The following ERC2 variants were observed in gnomAD, a reference collection of about 807,000 sequenced individuals.
ERC2 encodes the protein ELKS/RAB6-interacting/CAST family member 2.
A neutral mutation model predicts 114.8 loss-of-function variants in ERC2; 42 were observed. The ratio of observed to expected loss-of-function variants is 0.37; its 90% CI spans 0.29 to 0.47. The LOEUF is 0.47. Among genes scored for constraint, ERC2 ranks in the 20% least tolerant of loss-of-function variants. ERC2 has a pLI of 0.99. For missense variants in ERC2, 939 were observed against 1,150.7 expected (o/e 0.82, Z 2.66); for synonymous variants, 454 against 425.5 (o/e 1.07, Z -0.82).
chr3:55,527,208 G>A (rs2053381655), intron 17 of ERC2, among the ~76,000 whole-genome samples: 1 of 152,200 alleles, frequency 6.6e-6, no homozygotes, highest in African/African-American at 2.4e-5. Context: ...ACAAGAAACT[G>A]CACTTTTCTG....
At chr3:56,064,304 C>A (rs2076372505) in intron 7 of ERC2, among the ~76,000 whole-genome samples, 1 of 152,202 alleles carries the variant, frequency 6.6e-6, no homozygotes, top group African/African-American at 2.4e-5. Flanking sequence ...TCCCACCTGG[C>A]CACCCTTGTC....
chr3:55,683,919 A>G, intron 16 of ERC2, 60 bp from the exon 17 acceptor site: 1 of 1,584,298 alleles, frequency 6.3e-7, no homozygotes, highest in Non-Finnish European at 8.6e-7. Context: ...GAATGAAAGA[A>G]GAGAAGGTTA....
chr3:55,675,802 T>C (rs1004228507), intron 17 of ERC2, among the ~76,000 whole-genome samples: 2 of 151,762 alleles, frequency 1.3e-5, no homozygotes, highest in Non-Finnish European at 1.5e-5. Context: ...CATTTTCAAA[T>C]GTTATTAATA....
chr3:55,899,524 T>C (rs566411069), intron 13 of ERC2, among the ~76,000 whole-genome samples: 1 of 151,644 alleles, frequency 6.6e-6, no homozygotes, highest in Non-Finnish European at 1.5e-5. Flanking sequence ...AGAGAGAGAG[T>C]GTGTGTGTGA....
intron 2 of ERC2, among the ~76,000 whole-genome samples, chr3:56,376,466 A>G (rs900526004): frequency 6.6e-6 from 1 of 152,020 alleles, no homozygotes; most frequent in Non-Finnish European, 1.5e-5. Context: ...TCCCAAAAAA[A>G]AAAAAAGAGG....
At chr3:56,137,300 T>G (rs1012176465) in intron 6 of ERC2, among the ~76,000 whole-genome samples, 6 of 152,170 alleles carry the variant, frequency 3.9e-5, no homozygotes, top group African/African-American at 1.2e-4. Context: ...TACACTAACT[T>G]TATCGGTAAT....
At chr3:55,899,005 G>C (rs1203588705) in intron 13 of ERC2, among the ~76,000 whole-genome samples, 1 of 152,190 alleles carries the variant, frequency 6.6e-6, no homozygotes, top group African/African-American at 2.4e-5. Context: ...CACTTCCAAT[G>C]TGTCTGGTGC....
chr3:56,002,436 T>C (rs1023840674), intron 10 of ERC2, among the ~76,000 whole-genome samples: 3 of 152,184 alleles, frequency 2.0e-5, no homozygotes, highest in African/African-American at 7.2e-5. Flanking sequence ...ACAAACTGCT[T>C]CATATATTAA....
chr3:56,025,237 T>C (rs2073966565), intron 7 of ERC2, among the ~76,000 whole-genome samples: 1 of 152,182 alleles, frequency 6.6e-6, no homozygotes, highest in Non-Finnish European at 1.5e-5. Context: ...TACCAAACCA[T>C]GGATTTAAAC....
chr3:55,614,984 A>G (rs1398150083), intron 17 of ERC2, among the ~76,000 whole-genome samples: 1 of 152,268 alleles, frequency 6.6e-6, no homozygotes, highest in Non-Finnish European at 1.5e-5. Flanking sequence ...ATCACACCCA[A>G]TGATAGGAAC....
chr3:55,967,288 A>G (rs946275895), intron 12 of ERC2, among the ~76,000 whole-genome samples: 39 of 152,216 alleles, frequency 2.6e-4, no homozygotes, highest in African/African-American at 9.4e-4. Flanking sequence ...GTAGGTAATA[A>G]GTCAAATTTT....
At chr3:56,114,610 GAACA>G (rs1472166417) in intron 6 of ERC2, among the ~76,000 whole-genome samples, 1 of 152,080 alleles carries the variant, frequency 6.6e-6, no homozygotes, top group African/African-American at 2.4e-5. Context: ...TACAACCCAG[GAACA>G]AACAAATGGA....
chr3:55,785,033 G>C (rs1479998770), intron 14 of ERC2, among the ~76,000 whole-genome samples: 2 of 152,158 alleles, frequency 1.3e-5, no homozygotes, highest in Non-Finnish European at 2.9e-5. Flanking sequence ...GGACATCATG[G>C]TTCAATACTG....
At chr3:56,169,444 G>A (rs1221396988) in intron 4 of ERC2, among the ~76,000 whole-genome samples, 2 of 152,118 alleles carry the variant, frequency 1.3e-5, no homozygotes, top group East Asian at 3.8e-4. Context: ...TAAGGGTTGT[G>A]TTTTTACATT....
chr3:55,925,913 G>A (rs536189390), intron 13 of ERC2, among the ~76,000 whole-genome samples: 2 of 152,208 alleles, frequency 1.3e-5, no homozygotes, highest in East Asian at 3.9e-4. Flanking sequence ...GTGTCTGTGT[G>A]TTTTACAACC....
intron 3 of ERC2, among the ~76,000 whole-genome samples, chr3:56,211,204 A>T (rs2049039070): frequency 6.6e-6 from 1 of 152,156 alleles, no homozygotes; most frequent in African/African-American, 2.4e-5. Flanking sequence ...AAAACCCTAA[A>T]GACTCATCCA....
At chr3:55,679,444 C>G (rs1169883778) in intron 17 of ERC2, among the ~76,000 whole-genome samples, 1 of 152,134 alleles carries the variant, frequency 6.6e-6, no homozygotes, top group Non-Finnish European at 1.5e-5. Flanking sequence ...CCATCAAAGC[C>G]ATGACCAAAA....
At chr3:55,738,119 A>C (rs1575439245) in intron 14 of ERC2, among the ~76,000 whole-genome samples, 1 of 152,196 alleles carries the variant, frequency 6.6e-6, no homozygotes, top group South Asian at 2.1e-4. Context: ...TCTTTGGCCC[A>C]GAAGTCTCTT....
At chr3:55,593,076 T>C (rs1252285047) in intron 17 of ERC2, among the ~76,000 whole-genome samples, 2 of 152,220 alleles carry the variant, frequency 1.3e-5, no homozygotes, top group African/African-American at 4.8e-5. Context: ...TGCCATGTTG[T>C]GCTGTGAGAG....
Sources: gnomAD v4.1 joint callset for allele counts (sites outside exome capture counted in the v4.1 genomes callset) on GRCh38, gnomAD v4.1.1 for gene constraint, MANE v1.5 for transcripts, NCBI Gene and HGNC (gene_info 2026-07-23, HGNC 2026-07-21) for gene names.